OSBPL3: variants seen among roughly 807,000 people sequenced by gnomAD.
OSBPL3 encodes oxysterol binding protein like 3, also known as oxysterol-binding protein-related protein 3.
In OSBPL3, 65 loss-of-function variants were observed where a neutral mutation model predicts 120.1. The observed-to-expected ratio is 0.54, with a 90% CI of 0.44 to 0.67. OSBPL3 has a LOEUF of 0.67. Among genes scored for constraint, OSBPL3 ranks in the 30% least tolerant of loss-of-function variants. OSBPL3 has a pLI of 0.00. For missense variants in OSBPL3, 1,004 were observed against 1,082.1 expected, an observed-to-expected ratio of 0.93 and a Z score of 1.01; for synonymous variants, 416 against 402.6, an observed-to-expected ratio of 1.03 and a Z score of -0.40.
rs1814932489 is a variant in OSBPL3 at position 24,955,483 on chromosome 7, A to G, written c.-150+24403T>C. Reference sequence around the variant, plus strand: ...ATTCTCCCTGGCTGTTCTGTGGAGGAGAGGCTACTGGGGTGGCCTCAGGGC... The same window carrying G: ...ATTCTCCCTGGCTGTTCTGTGGAGGGGAGGCTACTGGGGTGGCCTCAGGGC... On this transcript the variant is annotated intron_variant, in intron 1 of 22. Coordinates refer to ENST00000313367, the MANE Select transcript of OSBPL3 (RefSeq NM_015550.4). The surrounding 1 kb of genome is among the most constrained non-coding windows in gnomAD (Gnocchi z 4.3). Among the ~76,000 whole-genome samples, 1 of 152,198 alleles carries G rather than the reference A, an allele frequency of 6.6e-6. No homozygotes were observed. Among genetic ancestry groups the G allele is most frequent in the South Asian group, 2.1e-4 (1 of 4,826 alleles).
chr7:24,945,365 A>G (rs748080671), intron 1 of OSBPL3, among the ~76,000 whole-genome samples: 6 of 152,212 alleles, frequency 3.9e-5, no homozygotes, highest in Non-Finnish European at 8.8e-5. Flanking sequence ...CTGTATATTT[A>G]TTCATTCAAC....
In OSBPL3 at chr7:24,809,849, A is replaced by T. The variant is rs1452573935; in HGVS notation, c.2275T>A (p.Tyr759Asn). The T allele has an allele frequency of 6.2e-7, 1 of 1,614,080 alleles. No individual in the cohort carries two copies. Among genetic ancestry groups the T allele is most frequent in the African/African-American group, 1.3e-5 (1 of 74,928 alleles). The change falls in exon 20 of 23, where the codon TAC becomes AAC. Residue 759 changes from tyrosine to asparagine, a missense_variant. Tyr to Asn is a moderately radical substitution (Grantham distance 143). Around this residue, in one of 4 missense-constraint regions of OSBPL3, gnomAD observed 473 missense variants for 568.0 expected, o/e 0.83. Transcript: ENST00000313367. ...GCAGAAGAGGAGCCGCCGCCACAGT[A>T]GATGCTTTCATGCCATTTCCCAAAC... ...RLFGKWHESI[Y>N]CGGGSSSACV...
chr7:24,866,062 C>G lies in OSBPL3; in HGVS notation c.549+8G>C, dbSNP rs1801271529. On this transcript the variant is annotated splice_region_variant and intron_variant, in intron 6 of 22. Coordinates refer to ENST00000313367, the MANE Select transcript of OSBPL3 (RefSeq NM_015550.4). ...TCTCAGATTCATTATTGGCAAAACA[C>G]TCATTACCTTCCTACTTGAAATGGA... 6.2e-7 allele frequency: 1 copy of G among 1,610,538 alleles called. No individual in the cohort carries two copies. The highest frequency in any genetic ancestry group is 8.5e-7 in the Non-Finnish European group (1 of 1,176,808).
At position 24,804,260 on chromosome 7, in the gene OSBPL3, C is replaced by G; in HGVS notation, c.2567+55G>C. On this transcript the variant is annotated intron_variant, in intron 22 of 22. Transcript: ENST00000313367. The surrounding 1 kb of genome is among the most constrained non-coding windows in gnomAD (Gnocchi z 5.4). ...CTGTTCACTTTCTGCAAACCAGAAG[C>G]ATAACGTGCTGGCACCACCTATCAA... 1 of 1,608,520 alleles carries G rather than the reference C, an allele frequency of 6.2e-7. No homozygotes were observed. The highest frequency in any genetic ancestry group is 8.5e-7 in the Non-Finnish European group (1 of 1,175,418).
intron 19 of OSBPL3, among the ~76,000 whole-genome samples, chr7:24,814,769 C>T (rs2128127752): frequency 6.6e-6 from 1 of 152,294 alleles, no homozygotes; most frequent in Admixed American, 6.5e-5. Flanking sequence ...ACTTATTTCA[C>T]TCAACATAAT....
intron 1 of OSBPL3, among the ~76,000 whole-genome samples, chr7:24,962,253 A>C (rs1346340088): frequency 6.6e-6 from 1 of 151,912 alleles, no homozygotes; most frequent in Non-Finnish European, 1.5e-5. Context: ...CAGTGAGCCA[A>C]GATCATGCCA....
chr7:24,860,192 G>T (rs1303961148), intron 10 of OSBPL3, among the ~76,000 whole-genome samples: 1 of 152,176 alleles, frequency 6.6e-6, no homozygotes, highest in Non-Finnish European at 1.5e-5. Context: ...TCAGGATACA[G>T]AATTTTTCAT....
intron 1 of OSBPL3, among the ~76,000 whole-genome samples, chr7:24,942,109 G>T (rs1464036711): frequency 6.6e-6 from 1 of 151,394 alleles, no homozygotes; most frequent in Admixed American, 6.6e-5. Flanking sequence ...AATGTATGTT[G>T]TGTCCAGCTG....
At chr7:24,897,354 C>G (rs1228220661) in intron 1 of OSBPL3, among the ~76,000 whole-genome samples, 1 of 122,352 alleles carries the variant, frequency 8.2e-6, no homozygotes, top group African/African-American at 3.2e-5. Flanking sequence ...GAGACGGAGT[C>G]TCGCTCTGTC....
intron 12 of OSBPL3, 98 bp downstream of exon 12, chr7:24,848,971 C>A: frequency 2.5e-6 from 2 of 815,986 alleles, no homozygotes; most frequent in Admixed American, 3.7e-5. Flanking sequence ...GTGGACAGCA[C>A]CCATGAGGGG....
At chr7:24,828,183 C>A (rs1375279653) in intron 16 of OSBPL3, among the ~76,000 whole-genome samples, 2 of 152,130 alleles carry the variant, frequency 1.3e-5, no homozygotes, top group African/African-American at 4.8e-5. Flanking sequence ...TGACACCACA[C>A]CTGGCTAATT....
intron 16 of OSBPL3, among the ~76,000 whole-genome samples, chr7:24,828,608 A>AGG (rs1286231729): frequency 2.4e-5 from 3 of 123,730 alleles, no homozygotes; most frequent in African/African-American, 1.1e-4. Context: ...CTCTGTCTGA[A>AGG]AAAAAAAAAA....
intron 12 of OSBPL3, among the ~76,000 whole-genome samples, chr7:24,843,732 T>C (rs905817746): frequency 1.3e-5 from 2 of 152,194 alleles, no homozygotes; most frequent in East Asian, 3.8e-4. Context: ...AAACCAAGCC[T>C]CTTCTCTACC....
Position 24,900,928 on chromosome 7 carries a change from G to T in OSBPL3, c.-149-8307C>A, listed in dbSNP as rs130. Among the ~76,000 whole-genome samples, 40,376 of 151,940 alleles carry T rather than the reference G, an allele frequency of 0.27. 5,502 individuals are homozygous for T. Among genetic ancestry groups the T allele is most frequent in the East Asian group, 0.38 (1,974 of 5,172 alleles). ...ATCAGCTACTGGGGAGGCTGAAGTG[G>T]GAGGATGACTTGAGTCTGGGAGGCG... is the stretch of plus-strand genomic sequence containing the variant. On this transcript the variant is annotated intron_variant, in intron 1 of 22. Transcript: ENST00000313367. The surrounding 1 kb of genome is among the most constrained non-coding windows in gnomAD (Gnocchi z 4.5).
chr7:24,888,144 A>C (rs1402068394), intron 2 of OSBPL3, among the ~76,000 whole-genome samples: 1 of 152,214 alleles, frequency 6.6e-6, no homozygotes, highest in African/African-American at 2.4e-5. Flanking sequence ...GATACTGTAA[A>C]AGTTCCTGGG....
intron 1 of OSBPL3, among the ~76,000 whole-genome samples, chr7:24,925,800 A>T (rs1264268673): frequency 6.6e-6 from 1 of 152,224 alleles, no homozygotes; most frequent in Admixed American, 6.5e-5. Flanking sequence ...TTAAACCTCA[A>T]TGTTGCTAGA....
In OSBPL3 at chr7:24,881,171, C is replaced by A. The variant is rs1803634070; in HGVS notation, c.97-9102G>T. Among the ~76,000 whole-genome samples the A allele has an allele frequency of 1.3e-5, 2 of 152,242 alleles. No homozygotes were observed. The highest frequency in any genetic ancestry group is 1.3e-4 in the Admixed American group (2 of 15,284). ...AGAGATACATTCTGACTAATCAACA[C>A]ATGCATGACTTAGAATCACAGGAGT... On this transcript the variant is annotated intron_variant, in intron 2 of 22. Transcript: ENST00000313367. This position sits in a 1 kb window ranked among gnomAD's most constrained non-coding sequence, Gnocchi z 4.3.
intron 12 of OSBPL3, among the ~76,000 whole-genome samples, chr7:24,847,572 G>A (rs1359396241): frequency 6.6e-6 from 1 of 152,186 alleles, no homozygotes; most frequent in Non-Finnish European, 1.5e-5. Flanking sequence ...TAAAAGACTT[G>A]TGATTTTGGT....
Position 24,964,860 on chromosome 7 carries a change from G to A in OSBPL3, c.-150+15026C>T, listed in dbSNP as rs1816196469. Among the ~76,000 whole-genome samples the A allele has an allele frequency of 6.6e-6, 1 of 152,196 alleles. No individual in the cohort carries two copies. Among genetic ancestry groups the A allele is most frequent in the South Asian group, 2.1e-4 (1 of 4,832 alleles). On this transcript the variant is annotated intron_variant, in intron 1 of 22. Coordinates refer to ENST00000313367, the MANE Select transcript of OSBPL3 (RefSeq NM_015550.4). The surrounding 1 kb of genome is among the most constrained non-coding windows in gnomAD (Gnocchi z 4.2). ...ATTCTAAACTTAAAAGTTGTTTTGT[G>A]TTGGGGGCTGTGATTAAAATAAGTA... is the stretch of plus-strand genomic sequence containing the variant.
Sources: allele counts gnomAD v4.1 joint callset (sites outside exome capture counted in the v4.1 genomes callset), GRCh38; gene constraint gnomAD v4.1.1; regional missense constraint gnomAD v4.1.1; non-coding constraint Gnocchi (gnomAD v3.1); transcripts MANE v1.5; gene names NCBI Gene and HGNC (gene_info 2026-07-23, HGNC 2026-07-21).